The following NTN1 variants were observed in gnomAD, a reference collection of about 807,000 sequenced individuals.
The protein encoded by NTN1 is netrin 1, also known as netrin-1.
Under a neutral mutation model 54.2 loss-of-function variants are expected in NTN1, and 11 were observed. That is an observed-to-expected ratio of 0.20 (90% CI 0.13 to 0.34). NTN1 has a LOEUF of 0.34. Ranked by LOEUF, NTN1 falls within the 10% of genes least tolerant of loss-of-function variation. The probability of loss-of-function intolerance (pLI) is 1.00; values close to 1 mark genes in which losing one functional copy is unlikely to be tolerated. For synonymous variants in NTN1, 371 were observed against 382.0 expected (o/e 0.97, Z 0.33); for missense variants, 740 against 893.1 (o/e 0.83, Z 2.18).
chr17:9,114,158 A>ATATATATATATATATATAT (rs1224438013), intron 2 of NTN1, among the ~76,000 whole-genome samples: 1 of 95,072 alleles, frequency 1.1e-5, no homozygotes, highest in Non-Finnish European at 2.2e-5. Flanking sequence ...AAAAAGAAAA[A>ATATATATATATATATATAT]AAAAAAAAAT....
chr17:9,183,985 G>A lies in NTN1; in HGVS notation c.1411+1016G>A, dbSNP rs942870151. ...GAAGAGGGCAGAAAGTGACAGTGGG[G>A]CACCCCAGCATGGACATTCATGCTG... On this transcript the variant is annotated intron_variant, in intron 5 of 6. Coordinates refer to ENST00000173229, the MANE Select transcript of NTN1 (RefSeq NM_004822.3). 5.3e-5 allele frequency among the ~76,000 whole-genome samples: 8 copies of A among 152,204 alleles called. 1 individual carries two copies. In the East Asian group the frequency reaches 1.5e-3, roughly 29 times the overall value.
In NTN1 at chr17:9,239,666, G is replaced by A; in HGVS notation, c.1513G>A (p.Asp505Asn). The A allele has an allele frequency of 6.2e-7, 1 of 1,611,988 alleles. No individual in the cohort carries two copies. Among genetic ancestry groups the A allele is most frequent in the Non-Finnish European group, 8.5e-7 (1 of 1,178,356 alleles). The stretch of plus-strand genomic sequence containing the variant: ...CGTCCAGATCCACATCCTGAAGGCG[G>A]ACAAGGCGGGGGACTGGTGGAAGTT... ...YAVQIHILKA[D>N]KAGDWWKFTV... Residue 505 changes from aspartate (D) to asparagine (N), a missense_variant, in exon 7 of 7, where the codon GAC becomes AAC. Transcript: ENST00000173229. This position sits in a 1 kb window ranked among gnomAD's most constrained non-coding sequence, Gnocchi z 5.2.
chr17:9,139,033 T>A (rs1018019401), intron 2 of NTN1, among the ~76,000 whole-genome samples: 1 of 152,070 alleles, frequency 6.6e-6, no homozygotes, highest in Non-Finnish European at 1.5e-5. Context: ...GGGGCAAGTC[T>A]CTGGACACCA....
intron 3 of NTN1, 95 bp from the exon 4 acceptor site, chr17:9,179,712 G>T: frequency 6.9e-7 from 1 of 1,439,922 alleles, no homozygotes; most frequent in South Asian, 1.4e-5. Flanking sequence ...CTCCAGGGCA[G>T]GGTCCATGGA....
intron 5 of NTN1, among the ~76,000 whole-genome samples, chr17:9,209,388 G>A (rs1905043251): frequency 2.0e-5 from 3 of 152,260 alleles, no homozygotes; most frequent in South Asian, 4.1e-4. Flanking sequence ...TCTTGAGGAA[G>A]AAAGGAAAAT....
intron 2 of NTN1, among the ~76,000 whole-genome samples, chr17:9,065,571 C>T (rs937618717): frequency 6.6e-6 from 1 of 152,264 alleles, no homozygotes; most frequent in Non-Finnish European, 1.5e-5. Flanking sequence ...CACTGAATGC[C>T]TGTCTCCTGA....
intron 2 of NTN1, among the ~76,000 whole-genome samples, chr17:9,125,183 T>C (rs1166501730): frequency 1.3e-5 from 2 of 151,358 alleles, no homozygotes; most frequent in Non-Finnish European, 2.9e-5. Context: ...CACCCCAGTC[T>C]CCTGAGTAGC....
chr17:9,234,509 G>A (rs1193193844), intron 6 of NTN1, among the ~76,000 whole-genome samples: 3 of 152,192 alleles, frequency 2.0e-5, no homozygotes, highest in Admixed American at 6.5e-5. Flanking sequence ...CTAGGCACCC[G>A]CCTCCTCCCC....
chr17:9,211,964 CCTTA>C lies in NTN1; in HGVS notation c.1412-9200_1412-9197del, dbSNP rs1905117400. Among the ~76,000 whole-genome samples the C allele has an allele frequency of 6.6e-6, 1 of 152,152 alleles. No individual in the cohort carries two copies. Among genetic ancestry groups the C allele is most frequent in the Non-Finnish European group, 1.5e-5 (1 of 68,032 alleles). On this transcript the variant is annotated intron_variant, in intron 5 of 6. Coordinates refer to ENST00000173229, the MANE Select transcript of NTN1 (RefSeq NM_004822.3). The surrounding 1 kb of genome is among the most constrained non-coding windows in gnomAD (Gnocchi z 4.4). ...AAACATTTTGGGCTTGCTTCTAGACCCTTACTTCCATAGGTTGCTAAGCTCCTTG... is the reference window on the plus strand; with the variant it reads ...AAACATTTTGGGCTTGCTTCTAGACCCTTCCATAGGTTGCTAAGCTCCTTG...
At chr17:9,019,688 C>T (rs1379778592), upstream of NTN1, among the ~76,000 whole-genome samples, 3 of 152,232 alleles carry the variant, frequency 2.0e-5, no homozygotes, top group African/African-American at 7.2e-5. Context: ...CATAGTCACA[C>T]AGCAGAGGCA....
chr17:9,236,892 C>A (rs542888545), intron 6 of NTN1, among the ~76,000 whole-genome samples: 8 of 152,280 alleles, frequency 5.3e-5, no homozygotes, highest in Non-Finnish European at 1.0e-4. Context: ...GCTCAGAGAC[C>A]AGAGAGGGTT....
rs973750881 is a variant in NTN1 at position 9,021,512 on chromosome 17, T to G, written c.-137T>G. 2.9e-4 allele frequency: 44 copies of G among 151,814 alleles called. No individual in the cohort carries two copies. Among genetic ancestry groups the G allele is most frequent in the African/African-American group, 8.7e-4 (36 of 41,400 alleles). The allele number at this position is 151,814 out of a possible 1,614,324, so 9.4% of individuals were successfully genotyped here. ...CCCCGCGCTCCCCTCCGCCCCTCACTCCCAGCGCGAGTGGCGGCGGCGGCG... is the reference window on the plus strand; with the variant it reads ...CCCCGCGCTCCCCTCCGCCCCTCACGCCCAGCGCGAGTGGCGGCGGCGGCG... On this transcript the variant is annotated 5_prime_UTR_variant, in exon 1 of 7. Coordinates refer to ENST00000173229, the MANE Select transcript of NTN1 (RefSeq NM_004822.3).
At chr17:9,127,890 G>A (rs2092252593) in intron 2 of NTN1, among the ~76,000 whole-genome samples, 1 of 152,104 alleles carries the variant, frequency 6.6e-6, no homozygotes, top group South Asian at 2.1e-4. Flanking sequence ...GCTGAGGTGG[G>A]TGGATCACCT....
chr17:9,217,768 C>T (rs1308081876), intron 5 of NTN1, among the ~76,000 whole-genome samples: 5 of 150,732 alleles, frequency 3.3e-5, no homozygotes, highest in African/African-American at 9.8e-5. Context: ...CTTTGTTTTC[C>T]TAGCAAATCT....
At chr17:9,163,145 G>C (rs1433844459) in intron 3 of NTN1, 144 bp downstream of exon 3, 9 of 649,234 alleles carry the variant, frequency 1.4e-5, no homozygotes, top group African/African-American at 7.7e-5. Context: ...TTCTCTCTCT[G>C]TGACACACAC....
intron 2 of NTN1, among the ~76,000 whole-genome samples, chr17:9,106,522 TTCC>T: frequency 1.3e-5 from 1 of 75,332 alleles, no homozygotes; most frequent in African/African-American, 4.6e-5. Flanking sequence ...CCTTCCTTCC[TTCC>T]TTCCTTTCGA....
At chr17:9,236,130 G>C (rs199974640) in intron 6 of NTN1, among the ~76,000 whole-genome samples, 1 of 37,636 alleles carries the variant, frequency 2.7e-5, no homozygotes, top group African/African-American at 5.5e-5. Flanking sequence ...AATTTGGGGG[G>C]GGGGGTACTA....
chr17:9,190,935 G>A (rs534045993), intron 5 of NTN1, among the ~76,000 whole-genome samples: 2 of 152,204 alleles, frequency 1.3e-5, no homozygotes, highest in South Asian at 4.1e-4. Flanking sequence ...AGTCAGTGCA[G>A]AAAAGAATGA....
chr17:9,036,842 C>T (rs1214111231), intron 2 of NTN1, among the ~76,000 whole-genome samples: 2 of 152,182 alleles, frequency 1.3e-5, no homozygotes, highest in African/African-American at 4.8e-5. Flanking sequence ...CCTACCCCTC[C>T]ACTGGGGTTC....
Sources: gnomAD v4.1 joint callset for allele counts (sites outside exome capture counted in the v4.1 genomes callset) on GRCh38, gnomAD v4.1.1 for gene constraint, Gnocchi (gnomAD v3.1) non-coding constraint, MANE v1.5 for transcripts, NCBI Gene and HGNC (gene_info 2026-07-23, HGNC 2026-07-21) for gene names.